The following CEP128 variants were observed in gnomAD, a reference collection of about 807,000 sequenced individuals.
The protein encoded by CEP128 is centrosomal protein 128.
Under a neutral mutation model 156.7 loss-of-function variants are expected in CEP128, and 132 were observed. That is an observed-to-expected ratio of 0.84 (90% CI 0.73 to 0.97). The LOEUF (loss-of-function observed/expected upper bound fraction) is 0.97. CEP128 is among the 50% of genes least tolerant of loss of function. The pLI, the probability that CEP128 is intolerant of heterozygous loss-of-function variation, is 0.00. For missense variants in CEP128, 1,252 were observed against 1,281.9 expected, an observed-to-expected ratio of 0.98 and a Z score of 0.36; for synonymous variants, 469 against 448.9, an observed-to-expected ratio of 1.04 and a Z score of -0.57.
chr14:80,601,378 C>A (rs1296967296), intron 19 of CEP128, among the ~76,000 whole-genome samples: 1 of 152,064 alleles, frequency 6.6e-6, no homozygotes, highest in East Asian at 1.9e-4. Context: ...TTCCCTGGGC[C>A]ACACTGGAAG....
chr14:80,854,474 C>A (rs1887048688), intron 9 of CEP128, among the ~76,000 whole-genome samples: 1 of 152,022 alleles, frequency 6.6e-6, no homozygotes, highest in South Asian at 2.1e-4. Context: ...AGTCTATATA[C>A]ATCAGTCCAG....
chr14:80,517,173 T>C (rs571016820), intron 23 of CEP128, among the ~76,000 whole-genome samples: 20 of 152,252 alleles, frequency 1.3e-4, no homozygotes, highest in Middle Eastern at 3.4e-3. Flanking sequence ...TTAATTCTTA[T>C]TGGTTTTTTC....
chr14:80,924,772 A>G (rs1015586449), intron 2 of CEP128, among the ~76,000 whole-genome samples: 3 of 152,128 alleles, frequency 2.0e-5, no homozygotes, highest in Non-Finnish European at 2.9e-5. Flanking sequence ...AAAGAAAATA[A>G]AAACATTTGA....
chr14:80,550,723 T>C (rs894776987), intron 21 of CEP128, among the ~76,000 whole-genome samples: 5 of 151,456 alleles, frequency 3.3e-5, no homozygotes, highest in African/African-American at 1.2e-4. Context: ...CATAAAGCTC[T>C]GTGTTATACA....
intron 19 of CEP128, among the ~76,000 whole-genome samples, chr14:80,717,052 A>AT (rs1897633572): frequency 6.6e-6 from 1 of 152,064 alleles, no homozygotes; most frequent in South Asian, 2.1e-4. Flanking sequence ...ACCTTTATCC[A>AT]TTTTTTAATT....
chr14:80,877,245 C>T (rs888614379), intron 8 of CEP128, among the ~76,000 whole-genome samples: 1 of 151,114 alleles, frequency 6.6e-6, no homozygotes, highest in Non-Finnish European at 1.5e-5. Context: ...AAAACACACA[C>T]AAAAAATGGA....
In CEP128 at chr14:80,895,803, A is replaced by AAG; in HGVS notation, c.573-14_573-13insCT. 1 of 1,493,894 alleles carries AAG rather than the reference A, an allele frequency of 6.7e-7. No homozygotes were observed. The highest frequency in any genetic ancestry group is 8.9e-7 in the Non-Finnish European group (1 of 1,124,670). The allele number at this position is 1,493,894 out of a possible 1,614,324, so 92.5% of individuals were successfully genotyped here. A position where few individuals can be genotyped will look rare whatever the true frequency, so the allele number is the denominator to read the frequency against. On this transcript the variant is annotated splice_polypyrimidine_tract_variant and intron_variant, in intron 7 of 24. Coordinates refer to ENST00000555265, the MANE Select transcript of CEP128 (RefSeq NM_152446.5). Reference sequence around the variant, plus strand: ...TTCGGCATCTGACCTAGGAAGAAAAAAAAAAAAAAGATTTAAATTTGGATA... The same window carrying AAG: ...TTCGGCATCTGACCTAGGAAGAAAAAAGAAAAAAAAAGATTTAAATTTGGATA...
intron 16 of CEP128, among the ~76,000 whole-genome samples, chr14:80,774,938 A>T (rs1315071226): frequency 6.6e-6 from 1 of 152,210 alleles, no homozygotes; most frequent in African/African-American, 2.4e-5. Context: ...CTGTGGCTTT[A>T]TGATTAGGTA....
intron 13 of CEP128, among the ~76,000 whole-genome samples, chr14:80,793,381 T>C (rs1289394811): frequency 2.6e-5 from 4 of 152,188 alleles, no homozygotes; most frequent in African/African-American, 4.8e-5. Flanking sequence ...GTCACTAAAA[T>C]AGAAGGCACT....
chr14:80,944,858 CAGAA>C (rs1886298390), upstream of CEP128, among the ~76,000 whole-genome samples: 4 of 54,996 alleles, frequency 7.3e-5, no homozygotes, highest in Non-Finnish European at 9.9e-5. Flanking sequence ...AAAAAAAAAA[CAGAA>C]AAAACAGAAC....
At chr14:80,819,923 C>T (rs574076171) in intron 13 of CEP128, among the ~76,000 whole-genome samples, 2 of 152,106 alleles carry the variant, frequency 1.3e-5, no homozygotes, top group Admixed American at 6.5e-5. Context: ...ATAGGAAAAA[C>T]AGAACATAAA....
At chr14:80,582,935 A>C (rs1412580676) in intron 19 of CEP128, among the ~76,000 whole-genome samples, 1 of 152,180 alleles carries the variant, frequency 6.6e-6, no homozygotes, top group African/African-American at 2.4e-5. Flanking sequence ...TTCATCAACC[A>C]CAAAAGAAAA....
intron 19 of CEP128, among the ~76,000 whole-genome samples, chr14:80,626,759 G>GT (rs1349608079): frequency 6.6e-6 from 1 of 152,008 alleles, no homozygotes; most frequent in African/African-American, 2.4e-5. Flanking sequence ...GTGAAACTCC[G>GT]TCTCTACTAA....
intron 23 of CEP128, among the ~76,000 whole-genome samples, chr14:80,512,221 C>T (rs1888292365): frequency 6.6e-6 from 1 of 151,922 alleles, no homozygotes; most frequent in Admixed American, 6.6e-5. Flanking sequence ...TCTTTAGCTC[C>T]AATAATATTG....
At chr14:80,666,234 T>G (rs1381665307) in intron 19 of CEP128, among the ~76,000 whole-genome samples, 1 of 152,188 alleles carries the variant, frequency 6.6e-6, no homozygotes, top group Non-Finnish European at 1.5e-5. Flanking sequence ...ATAGATTAGA[T>G]ATCCAAATTC....
At chr14:80,597,966 A>AC (rs200033169) in intron 19 of CEP128, among the ~76,000 whole-genome samples, 14,662 of 144,516 alleles carry the variant, frequency 0.1, 758 homozygotes, top group Non-Finnish European at 0.15. Flanking sequence ...AAAAAAAAAA[A>AC]AAAACAAAAC....
chr14:80,872,516 G>C (rs1888078625), intron 8 of CEP128, among the ~76,000 whole-genome samples: 1 of 152,100 alleles, frequency 6.6e-6, no homozygotes, highest in Admixed American at 6.5e-5. Context: ...AACAACTGTA[G>C]CCTCAGAATA....
At chr14:80,609,020 T>A (rs1306472053) in intron 19 of CEP128, among the ~76,000 whole-genome samples, 1 of 152,170 alleles carries the variant, frequency 6.6e-6, no homozygotes, top group Non-Finnish European at 1.5e-5. Flanking sequence ...TATTGAAGAT[T>A]GAAGTATATT....
rs181916115 is a variant in CEP128 at position 80,765,298 on chromosome 14, A to T, written c.2377-3685T>A. Among the ~76,000 whole-genome samples, 87 of 152,320 alleles carry T rather than the reference A, an allele frequency of 5.7e-4. 2 individuals carry two copies. In the Middle Eastern group the frequency reaches 0.024, roughly 42 times the overall value. On this transcript the variant is annotated intron_variant, in intron 16 of 24. Coordinates refer to ENST00000555265, the MANE Select transcript of CEP128 (RefSeq NM_152446.5). Reference sequence around the variant, plus strand: ...TCGCAGTTTCATGTTTTAGAAATAGATGTGCTGACTAAGCAAGCACAGCTA... The same window carrying T: ...TCGCAGTTTCATGTTTTAGAAATAGTTGTGCTGACTAAGCAAGCACAGCTA...
Sources: gnomAD v4.1 joint callset for allele counts (sites outside exome capture counted in the v4.1 genomes callset) on GRCh38, gnomAD v4.1.1 for gene constraint, MANE v1.5 for transcripts, NCBI Gene and HGNC (gene_info 2026-07-23, HGNC 2026-07-21) for gene names.